Variants in GRID2 observed in about 807,000 individuals in gnomAD.
The protein encoded by GRID2 is glutamate ionotropic receptor delta type subunit 2.
GRID2 carries 33 observed loss-of-function variants against 114.8 expected under a neutral mutation model. That is an observed-to-expected ratio of 0.29 (90% CI 0.22 to 0.38). The LOEUF is 0.38. GRID2 is among the 10% of genes least tolerant of loss of function. GRID2 has a pLI of 1.00. For missense variants in GRID2, 1,184 were observed against 1,257.7 expected (o/e 0.94, Z 0.89); for synonymous variants, 505 against 449.9 (o/e 1.12, Z -1.55).
intron 8 of GRID2, among the ~76,000 whole-genome samples, chr4:93,337,549 CTATCT>C (rs747306997): frequency 2.6e-5 from 4 of 152,292 alleles, no homozygotes; most frequent in Non-Finnish European, 4.4e-5. Flanking sequence ...AAGGGAGACA[CTATCT>C]TTATTATATT....
At chr4:93,140,708 C>A (rs1478169464) in intron 4 of GRID2, among the ~76,000 whole-genome samples, 9 of 152,164 alleles carry the variant, frequency 5.9e-5, no homozygotes, top group Non-Finnish European at 1.2e-4. Context: ...AATATGTCTT[C>A]TCTGATACTA....
intron 1 of GRID2, among the ~76,000 whole-genome samples, chr4:92,387,468 G>C (rs1730020069): frequency 6.6e-6 from 1 of 151,952 alleles, no homozygotes; most frequent in African/African-American, 2.4e-5. Flanking sequence ...TTTCCAATAT[G>C]CTCCTTAATG....
intron 2 of GRID2, among the ~76,000 whole-genome samples, chr4:92,708,917 C>CTAAA (rs1011737921): frequency 3.3e-5 from 5 of 152,006 alleles, no homozygotes; most frequent in African/African-American, 1.2e-4. Flanking sequence ...AACTCCGTCT[C>CTAAA]TAAATAAATA....
chr4:92,610,213 G>A (rs866200504), intron 2 of GRID2, among the ~76,000 whole-genome samples: 8 of 151,470 alleles, frequency 5.3e-5, no homozygotes, highest in South Asian at 4.2e-4. Flanking sequence ...GAATATTTAC[G>A]TTGCTGGGAC....
intron 2 of GRID2, among the ~76,000 whole-genome samples, chr4:92,854,253 T>A (rs1560641237): frequency 6.6e-6 from 1 of 152,040 alleles, no homozygotes; most frequent in Non-Finnish European, 1.5e-5. Context: ...ATTAATGTGC[T>A]GTATTTCCCT....
At chr4:92,451,727 T>C (rs1017982697) in intron 1 of GRID2, among the ~76,000 whole-genome samples, 1 of 152,164 alleles carries the variant, frequency 6.6e-6, no homozygotes, top group African/African-American at 2.4e-5. Context: ...ATTGACAATT[T>C]GGAACATTCA....
intron 8 of GRID2, among the ~76,000 whole-genome samples, chr4:93,277,899 A>G (rs914087713): frequency 2.6e-5 from 4 of 151,962 alleles, no homozygotes; most frequent in Non-Finnish European, 5.9e-5. Flanking sequence ...GGAAGTATAA[A>G]TCACTATGAA....
At chr4:92,688,037 C>CCTTTTTTTTTTTTTT (rs1553916864) in intron 2 of GRID2, among the ~76,000 whole-genome samples, 448 of 44,656 alleles carry the variant, frequency 0.01, 49 homozygotes, top group South Asian at 0.021. Context: ...CCTTCTTCTT[C>CCTTTTTTTTTTTTTT]TTTTTTTTTT....
chr4:92,642,661 C>T (rs1476322391), intron 2 of GRID2, among the ~76,000 whole-genome samples: 1 of 149,916 alleles, frequency 6.7e-6, no homozygotes, highest in East Asian at 1.9e-4. Context: ...TTTAGTTTAA[C>T]TAGCTCCCAT....
intron 2 of GRID2, among the ~76,000 whole-genome samples, chr4:93,028,927 T>A (rs1724136711): frequency 6.6e-6 from 1 of 151,918 alleles, no homozygotes; most frequent in Admixed American, 6.6e-5. Context: ...TTAAGGAAAA[T>A]TTTCATGCAC....
intron 1 of GRID2, among the ~76,000 whole-genome samples, chr4:92,454,822 C>T (rs180754560): frequency 6.6e-6 from 1 of 152,122 alleles, no homozygotes; most frequent in Non-Finnish European, 1.5e-5. Context: ...GGGGACAGAG[C>T]GAGACTCCGT....
At chr4:93,277,284 A>G (rs1287388350) in intron 8 of GRID2, among the ~76,000 whole-genome samples, 1 of 151,988 alleles carries the variant, frequency 6.6e-6, no homozygotes, top group Non-Finnish European at 1.5e-5. Context: ...TTGTAACACA[A>G]TGAAACATAA....
At chr4:93,784,674 AC>A (rs1430462294) in intron 1 of GRID2, among the ~76,000 whole-genome samples, 9 of 150,944 alleles carry the variant, frequency 6.0e-5, no homozygotes, top group Non-Finnish European at 1.3e-4. Flanking sequence ...ACACACACAC[AC>A]CACGGTATCG....
chr4:93,681,177 A>G (rs1725495943), intron 14 of GRID2, among the ~76,000 whole-genome samples: 1 of 151,446 alleles, frequency 6.6e-6, no homozygotes, highest in Admixed American at 6.6e-5. Flanking sequence ...TCCCATTCAC[A>G]ATTGCTTCAA....
rs1386267659 is a variant in GRID2, at chr4:93,501,551, A to T, written c.1997+10774A>T. On this transcript the variant is annotated intron_variant, in intron 12 of 15. Transcript: ENST00000282020. ...TAGCACTTAAGTACTACAGTGATGG[A>T]TGTTTCCCAAACGTACAGCTATCTC... Among the ~76,000 whole-genome samples the T allele has an allele frequency of 3.3e-5, 5 of 152,028 alleles. No homozygotes were observed. In the South Asian group the frequency reaches 6.2e-4, roughly 19 times the overall value.
In GRID2 at chr4:92,897,741, A is replaced by T. The variant is rs115466089; in HGVS notation, c.245-187254A>T. 3.6e-3 allele frequency among the ~76,000 whole-genome samples: 553 copies of T among 152,310 alleles called. 1 individual carries two copies. Among genetic ancestry groups the T allele is most frequent in the African/African-American group, 0.013 (534 of 41,584 alleles). The stretch of plus-strand genomic sequence containing the variant: ...GGAAATATTGCTGGAACACAACGAA[A>T]AAAGGAAATGAAATGAAACCTCATT... On this transcript the variant is annotated intron_variant, in intron 2 of 15. Transcript: ENST00000282020.
intron 2 of GRID2, among the ~76,000 whole-genome samples, chr4:93,010,158 TA>T (rs869170108): frequency 2.0e-4 from 31 of 152,164 alleles, no homozygotes; most frequent in African/African-American, 6.3e-4. Context: ...GTAACTTACT[TA>T]AAAAAATTTT....
At chr4:93,162,080 C>A (rs1006564105) in intron 4 of GRID2, among the ~76,000 whole-genome samples, 3 of 151,706 alleles carry the variant, frequency 2.0e-5, no homozygotes, top group African/African-American at 7.3e-5. Flanking sequence ...AGGTTTTTCT[C>A]ATGATGATCA....
chr4:93,096,431 T>G (rs1450907804), intron 3 of GRID2, among the ~76,000 whole-genome samples: 1 of 151,932 alleles, frequency 6.6e-6, no homozygotes, highest in Non-Finnish European at 1.5e-5. Flanking sequence ...TTCTAAAACA[T>G]AGATCCGAAA....
Sources: allele counts gnomAD v4.1 joint callset (sites outside exome capture counted in the v4.1 genomes callset), GRCh38; gene constraint gnomAD v4.1.1; transcripts MANE v1.5; gene names NCBI Gene and HGNC (gene_info 2026-07-23, HGNC 2026-07-21).